The following CCL4L2 variants were observed in gnomAD, a reference collection of about 807,000 sequenced individuals.
CCL4L2 encodes the protein C-C motif chemokine ligand 4 like 2.
In CCL4L2, 3 loss-of-function variants were observed where a neutral mutation model predicts 5.9. The ratio of observed to expected loss-of-function variants is 0.51; its 90% CI spans 0.23 to 1.32. CCL4L2 has a LOEUF of 1.32. Ranked by LOEUF, CCL4L2 falls within the 40% of genes most tolerant of loss-of-function variation. CCL4L2 has a pLI of 0.18. For missense variants in CCL4L2, 74 were observed against 121.2 expected, an observed-to-expected ratio of 0.61 and a Z score of 1.83; for synonymous variants, 36 against 47.6, an observed-to-expected ratio of 0.76 and a Z score of 1.00.
In CCL4L2 at chr17:36,212,325, T is replaced by G. The variant is rs1411927009; in HGVS notation, c.214T>G (p.Cys72Gly). The change falls in exon 3 of 3, where the codon TGC becomes GGC. Residue 72 changes from cysteine (C) to glycine (G), a missense_variant. Cys to Gly is a radical substitution (Grantham distance 159). Transcript: ENST00000617405. ...CAGTGAGTGGAAGTTACAGGGAGTC[T>G]GCTTCCAGTGCTGCTCCGGGAAGGA... 1.0e-6 allele frequency: 1 copy of G among 980,218 alleles called. No individual in the cohort carries two copies. Among genetic ancestry groups the G allele is most frequent in the Non-Finnish European group, 1.6e-6 (1 of 611,544 alleles). 60.7% of individuals were successfully genotyped at this position (980,218 alleles called of 1,614,324 possible). A position where few individuals can be genotyped will look rare whatever the true frequency, so the allele number is the denominator to read the frequency against.
rs374652052 is a variant in CCL4L2, at chr17:36,212,554, C to T, written c.*131C>T. On this transcript the variant is annotated 3_prime_UTR_variant, in exon 3 of 3. Transcript: ENST00000617405. ...CCTGGGTCCAGGAGTACGTGTATGA[C>T]CTGGAACTGAACTGAGCTGCTCAGA... The T allele has an allele frequency of 1.9e-6, 3 of 1,581,374 alleles. No individual in the cohort carries two copies. Among genetic ancestry groups the T allele is most frequent in the African/African-American group, 1.3e-5 (1 of 74,740 alleles).
In CCL4L2 at chr17:36,212,705, T is replaced by C. The variant is rs2142235559; in HGVS notation, c.*282T>C. The C allele has an allele frequency of 1.9e-6, 2 of 1,039,810 alleles. No homozygotes were observed. The highest frequency in any genetic ancestry group is 1.4e-5 in the African/African-American group (1 of 70,826). 64.4% of individuals were successfully genotyped at this position (1,039,810 alleles called of 1,614,324 possible). A position where few individuals can be genotyped will look rare whatever the true frequency, so the allele number is the denominator to read the frequency against. On this transcript the variant is annotated 3_prime_UTR_variant, in exon 3 of 3. Transcript: ENST00000617405. ...TCTTAATGTAATCTCTTTTATGTGC[T>C]GTATTATTGTATTAGGTGTTATTTC...
chr17:36,211,155 T>G lies in CCL4L2; in HGVS notation c.14T>G (p.Val5Gly). ...GCCACCAATACCATGAAGCTCTGCG[T>G]GACTGTCCTGTCTCTCCTCGTGCTA... Residue 5 changes from valine (V) to glycine (G), a missense_variant, in exon 1 of 3, where the codon GTG (valine) becomes GGG (glycine). Coordinates refer to ENST00000617405, the MANE Select transcript of CCL4L2 (RefSeq NM_001291475.2). The G allele has an allele frequency of 6.3e-7, 1 of 1,581,732 alleles. No individual in the cohort carries two copies. The highest frequency in any genetic ancestry group is 8.6e-7 in the Non-Finnish European group (1 of 1,156,800).
rs557066618 is a variant in CCL4L2, at chr17:36,212,376, T to C, written c.265T>C (p.Trp89Arg). Reference sequence around the variant, plus strand: ...TCCCATCCACCAGAGCTGCCCCACATGGACCATGGTCAGGCAGAGGAAGAT... The same window carrying C: ...TCCCATCCACCAGAGCTGCCCCACACGGACCATGGTCAGGCAGAGGAAGAT... Residue 89 changes from tryptophan (W) to arginine (R), a missense_variant, in exon 3 of 3, where the codon TGG becomes CGG. Physicochemically the swap from Trp to Arg is moderately radical, Grantham distance 101 (BLOSUM62 -3). Coordinates refer to ENST00000617405, the MANE Select transcript of CCL4L2 (RefSeq NM_001291475.2). 6.2e-5 allele frequency: 86 copies of C among 1,383,776 alleles called. 1 individual carries two copies. The South Asian group carries it at 8.3e-4, about 13-fold the overall frequency. The allele number at this position is 1,383,776 out of a possible 1,614,324, so 85.7% of individuals were successfully genotyped here.
rs1349922375 is a variant in CCL4L2 at position 36,211,620 on chromosome 17, T to G, written c.77-156T>G. 1.5e-5 allele frequency: 13 copies of G among 879,330 alleles called. 3 individuals carry two copies. Among genetic ancestry groups the G allele is most frequent in the Non-Finnish European group, 2.5e-5 (13 of 529,482 alleles). 54.5% of individuals were successfully genotyped at this position (879,330 alleles called of 1,614,324 possible). On this transcript the variant is annotated intron_variant, in intron 1 of 2. Transcript: ENST00000617405. ...TTCTCTGAAGATCCACTATTCAGAATAAGACTCCTGCTCATGTTAGGTGGG... is the reference window on the plus strand; with the variant it reads ...TTCTCTGAAGATCCACTATTCAGAAGAAGACTCCTGCTCATGTTAGGTGGG...
chr17:36,212,108 T>C, intron 2 of CCL4L2: 1 of 727,836 alleles, frequency 1.4e-6, no homozygotes, highest in Non-Finnish European at 2.4e-6. Context: ...GGGGAGGAAG[T>C]TATTCAGAGG....
intron 1 of CCL4L2, 136 bp downstream of exon 1, chr17:36,211,353 A>G (rs2142229822): frequency 2.7e-6 from 3 of 1,114,998 alleles, no homozygotes; most frequent in Non-Finnish European, 4.1e-6. Flanking sequence ...GTCTGCTGCT[A>G]AATGTAGAGT....
At chr17:36,212,209 A>G in intron 2 of CCL4L2, 1 of 709,958 alleles carries the variant, frequency 1.4e-6, no homozygotes, top group Non-Finnish European at 2.6e-6. Context: ...AGTCACTACC[A>G]GGCTGGCAGG....
At position 36,212,843 on chromosome 17, in the gene CCL4L2, T is replaced by G; in HGVS notation, c.*420T>G. On this transcript the variant is annotated 3_prime_UTR_variant, in exon 3 of 3. Transcript: ENST00000617405. ...GATAACACCGTTAATTCCATGTGTTTTCATAATAAAACTTTAAAATAAAAT... is the reference window on the plus strand; with the variant it reads ...GATAACACCGTTAATTCCATGTGTTGTCATAATAAAACTTTAAAATAAAAT... 1 of 511,880 alleles carries G rather than the reference T, an allele frequency of 2.0e-6. No individual in the cohort carries two copies. Among genetic ancestry groups the G allele is most frequent in the South Asian group, 2.5e-5 (1 of 39,928 alleles). The allele number at this position is 511,880 out of a possible 1,614,324, so 31.7% of individuals were successfully genotyped here.
At chr17:36,212,007 C>T in intron 2 of CCL4L2, 117 bp downstream of exon 2, 1 of 1,213,304 alleles carries the variant, frequency 8.2e-7, no homozygotes, top group Admixed American at 1.9e-5. Context: ...GGGCTGAAGC[C>T]TTCCCTGACA....
chr17:36,211,116 G>A lies in CCL4L2; in HGVS notation c.-26G>A. On this transcript the variant is annotated 5_prime_UTR_variant, in exon 1 of 3. Coordinates refer to ENST00000617405, the MANE Select transcript of CCL4L2 (RefSeq NM_001291475.2). The stretch of plus-strand genomic sequence containing the variant: ...TTCTGAGTTCTGCAGCCTCACCTCT[G>A]AGAAAACCTCTTTGCCACCAATACC... 1.9e-6 allele frequency: 3 copies of A among 1,578,612 alleles called. No homozygotes were observed. Among genetic ancestry groups the A allele is most frequent in the East Asian group, 2.2e-5 (1 of 44,606 alleles).
chr17:36,212,417 G>C lies in CCL4L2; in HGVS notation c.306G>C (p.Lys102Asn). The C allele has an allele frequency of 6.4e-7, 1 of 1,554,652 alleles. No individual in the cohort carries two copies. Among genetic ancestry groups the C allele is most frequent in the Non-Finnish European group, 8.8e-7 (1 of 1,131,628 alleles). Residue 102 changes from lysine (K) to asparagine (N), a missense_variant, in exon 3 of 3, where the codon AAG becomes AAC. Coordinates refer to ENST00000617405, the MANE Select transcript of CCL4L2 (RefSeq NM_001291475.2). The stretch of plus-strand genomic sequence containing the variant: ...AGAGGAAGATGCCTACCACAGGCAA[G>C]GGATAAAGCCAGATGACCTCAAAGG...
At position 36,212,580 on chromosome 17, in the gene CCL4L2, G is replaced by C; in HGVS notation, c.*157G>C. 1.3e-6 allele frequency: 2 copies of C among 1,581,474 alleles called. No homozygotes were observed. Among genetic ancestry groups the C allele is most frequent in the South Asian group, 2.2e-5 (2 of 89,128 alleles). On this transcript the variant is annotated 3_prime_UTR_variant, in exon 3 of 3. Transcript: ENST00000617405. ...CTGGAACTGAACTGAGCTGCTCAGA[G>C]ACAGGAAGTCTTCAGGGAAGGTCAC...
rs2142235454 is a variant in CCL4L2, at chr17:36,212,676, CTT to C, written c.*254_*255del. The C allele has an allele frequency of 7.9e-7, 1 of 1,265,282 alleles. No homozygotes were observed. Among genetic ancestry groups the C allele is most frequent in the African/African-American group, 1.4e-5 (1 of 73,508 alleles). The allele number at this position is 1,265,282 out of a possible 1,614,324, so 78.4% of individuals were successfully genotyped here. On this transcript the variant is annotated 3_prime_UTR_variant, in exon 3 of 3. Coordinates refer to ENST00000617405, the MANE Select transcript of CCL4L2 (RefSeq NM_001291475.2). ...GGACTCCTCTCCGCAGTTCCTGTCT[CTT>C]CTCTTAATGTAATCTCTTTTATGTG... is the stretch of plus-strand genomic sequence containing the variant.
intron 2 of CCL4L2, 128 bp downstream of exon 2, chr17:36,212,018 G>A (rs2068790578): frequency 8.8e-6 from 10 of 1,130,752 alleles, no homozygotes; most frequent in Non-Finnish European, 1.3e-5. Context: ...TTCCCTGACA[G>A]CAGTGAGGTC....
chr17:36,211,171 C>A lies in CCL4L2; in HGVS notation c.30C>A (p.Leu10=), dbSNP rs2068767756. Residue 10 remains leucine, a synonymous_variant, in exon 1 of 3, where the codon CTC becomes CTA. Transcript: ENST00000617405. ...AGCTCTGCGTGACTGTCCTGTCTCT[C>A]CTCGTGCTAGTAGCTGCCTTCTGCT... 15 of 1,581,612 alleles carry A rather than the reference C, an allele frequency of 9.5e-6. 1 individual carries two copies. Among genetic ancestry groups the A allele is most frequent in the African/African-American group, 1.3e-5 (1 of 74,756 alleles).
rs2068800851 is a variant in CCL4L2, at chr17:36,212,344, G to A, written c.233G>A (p.Gly78Glu). 1 of 1,104,024 alleles carries A rather than the reference G, an allele frequency of 9.1e-7. No individual in the cohort carries two copies. Among genetic ancestry groups the A allele is most frequent in the African/African-American group, 1.4e-5 (1 of 72,084 alleles). The allele number at this position is 1,104,024 out of a possible 1,614,324, so 68.4% of individuals were successfully genotyped here. A position where few individuals can be genotyped will look rare whatever the true frequency, so the allele number is the denominator to read the frequency against. The stretch of plus-strand genomic sequence containing the variant: ...GGAGTCTGCTTCCAGTGCTGCTCCG[G>A]GAAGGATCCCATCCACCAGAGCTGC... Residue 78 changes from glycine (G) to glutamate (E), a missense_variant, in exon 3 of 3, where the codon GGG (glycine) becomes GAG (glutamate). Physicochemically the swap from Gly to Glu is moderately conservative, Grantham distance 98. Transcript: ENST00000617405.
At position 36,211,246 on chromosome 17, in the gene CCL4L2, G is replaced by A. The variant is rs1212776862; in HGVS notation, c.76+29G>A. 5.2e-4 allele frequency: 825 copies of A among 1,574,740 alleles called. 99 individuals carry two copies. The highest frequency in any genetic ancestry group is 1.3e-3 in the South Asian group (118 of 89,020). On this transcript the variant is annotated intron_variant, in intron 1 of 2. Coordinates refer to ENST00000617405, the MANE Select transcript of CCL4L2 (RefSeq NM_001291475.2). ...AGTCTACTTTTGCAGCTGCTATTTC[G>A]AGTCAAGGTGTAGGCAGAGTCCTTT...
rs776405205 is a variant in CCL4L2 at position 36,212,512 on chromosome 17, C to G, written c.*89C>G. ...AAACCAAAAGAGGCAAGCAAGTCTG[C>G]GCTGACCCCAGTGAGTCCTGGGTCC... On this transcript the variant is annotated 3_prime_UTR_variant, in exon 3 of 3. Transcript: ENST00000617405. 16 of 1,581,310 alleles carry G rather than the reference C, an allele frequency of 1.0e-5. No individual in the cohort carries two copies. The African/African-American group carries it at 1.9e-4, about 19-fold the overall frequency.
Sources: allele counts gnomAD v4.1 joint callset, GRCh38; gene constraint gnomAD v4.1.1; transcripts MANE v1.5; gene names NCBI Gene and HGNC (gene_info 2026-07-23, HGNC 2026-07-21).